Variants in PALLD observed in about 807,000 individuals in gnomAD.
PALLD encodes the protein palladin, cytoskeletal associated protein.
In PALLD, 61 loss-of-function variants were observed where a neutral mutation model predicts 123.5. The ratio of observed to expected loss-of-function variants is 0.49; its 90% confidence interval spans 0.40 to 0.61. The LOEUF is 0.61. Ranked by LOEUF, PALLD falls within the 20% of genes least tolerant of loss-of-function variation. The pLI, the probability that PALLD is intolerant of heterozygous loss-of-function variation, is 0.00. For missense variants in PALLD, 1,273 were observed against 1,377.0 expected, an observed-to-expected ratio of 0.92 and a Z score of 1.20; for synonymous variants, 465 against 496.4, an observed-to-expected ratio of 0.94 and a Z score of 0.84.
At chr4:168,875,229 T>C (rs1297687969) in intron 10 of PALLD, among the ~76,000 whole-genome samples, 1 of 152,040 alleles carries the variant, frequency 6.6e-6, no homozygotes, top group Non-Finnish European at 1.5e-5. Flanking sequence ...ACTAAAGAAG[T>C]AATGAATTTC....
chr4:168,793,082 T>A (rs1206355399), intron 10 of PALLD, among the ~76,000 whole-genome samples: 1 of 151,274 alleles, frequency 6.6e-6, no homozygotes, highest in Non-Finnish European at 1.5e-5. Context: ...AATACATGTA[T>A]GTAATTTACA....
chr4:168,686,296 T>C (rs1277856675), intron 6 of PALLD, among the ~76,000 whole-genome samples: 1 of 152,132 alleles, frequency 6.6e-6, no homozygotes, highest in Admixed American at 6.6e-5. Flanking sequence ...CCATGGTGGT[T>C]TGCTGCACCT....
chr4:168,899,500 A>G (rs931801845), intron 14 of PALLD, among the ~76,000 whole-genome samples: 1 of 152,234 alleles, frequency 6.6e-6, no homozygotes, highest in Admixed American at 6.5e-5. Flanking sequence ...TAAAATTCTT[A>G]GAAGCAAGCA....
At chr4:168,916,129 A>T in intron 17 of PALLD, 102 bp downstream of exon 17, 1 of 1,170,698 alleles carries the variant, frequency 8.5e-7, no homozygotes, top group Non-Finnish European at 1.3e-6. Flanking sequence ...GTATAAAATG[A>T]GAGCTGGGCA....
intron 10 of PALLD, among the ~76,000 whole-genome samples, chr4:168,760,904 C>T (rs1444686419): frequency 6.6e-6 from 1 of 152,160 alleles, no homozygotes; most frequent in Admixed American, 6.5e-5. Context: ...TTCTGCCCTT[C>T]TCAAGAAGTA....
chr4:168,662,461 C>A (rs1162725410), intron 2 of PALLD, among the ~76,000 whole-genome samples: 1 of 152,218 alleles, frequency 6.6e-6, no homozygotes, highest in African/African-American at 2.4e-5. Context: ...AACAGCTGTG[C>A]TGAGGATTCT....
At chr4:168,800,651 G>C (rs1017440076) in intron 10 of PALLD, among the ~76,000 whole-genome samples, 1 of 152,162 alleles carries the variant, frequency 6.6e-6, no homozygotes, top group Non-Finnish European at 1.5e-5. Context: ...TTCATATACT[G>C]CCAGTGGGAG....
intron 10 of PALLD, among the ~76,000 whole-genome samples, chr4:168,745,421 G>A (rs1730135577): frequency 1.2e-5 from 1 of 82,422 alleles, no homozygotes; most frequent in Non-Finnish European, 2.4e-5. Flanking sequence ...GAGTCTGTGA[G>A]ATGGGAGGGG....
intron 10 of PALLD, among the ~76,000 whole-genome samples, chr4:168,806,736 G>A (rs576239138): frequency 8.5e-5 from 13 of 152,198 alleles, no homozygotes; most frequent in Admixed American, 2.6e-4. Flanking sequence ...TGGGAGAAGC[G>A]GTCGTTTAGC....
At position 168,699,954 on chromosome 4, in the gene PALLD, A is replaced by C. The variant is rs142582395; in HGVS notation, c.1501+8662A>C. 5.1e-3 allele frequency: 856 copies of C among 168,356 alleles called. 5 individuals are homozygous for C. The highest frequency in any genetic ancestry group is 0.019 in the African/African-American group (816 of 42,000). The allele number at this position is 168,356 out of a possible 1,614,324, so 10.4% of individuals were successfully genotyped here. A position where few individuals can be genotyped will look rare whatever the true frequency, so the allele number is the denominator to read the frequency against. ...TTAGTACAGATAAGTAAGTCTCTAA[A>C]TCCCTTTATGTGACATAAGCAGTCA... On this transcript the variant is annotated intron_variant, in intron 8 of 21. Coordinates refer to ENST00000505667, the MANE Select transcript of PALLD (RefSeq NM_001166108.2).
At chr4:168,859,849 A>C (rs1401756469) in intron 10 of PALLD, among the ~76,000 whole-genome samples, 1 of 152,234 alleles carries the variant, frequency 6.6e-6, no homozygotes, top group African/African-American at 2.4e-5. Context: ...AAGGAAAAAG[A>C]AATTAATTTT....
chr4:168,583,776 T>C (rs1347413990), intron 2 of PALLD, among the ~76,000 whole-genome samples: 1 of 152,236 alleles, frequency 6.6e-6, no homozygotes, highest in Non-Finnish European at 1.5e-5. Context: ...TTTTACTCTA[T>C]ACTTCTGCTC....
intron 2 of PALLD, among the ~76,000 whole-genome samples, chr4:168,615,274 T>C (rs920965697): frequency 1.3e-5 from 2 of 152,158 alleles, no homozygotes; most frequent in African/African-American, 2.4e-5. Flanking sequence ...CCAAACAGCA[T>C]ATAAATAAAT....
intron 2 of PALLD, among the ~76,000 whole-genome samples, chr4:168,636,640 C>T (rs1776373104): frequency 6.6e-6 from 1 of 152,200 alleles, no homozygotes; most frequent in African/African-American, 2.4e-5. Context: ...GCCATTCCAG[C>T]TTAAAATTCT....
chr4:168,794,131 C>T (rs1561530790), intron 10 of PALLD, among the ~76,000 whole-genome samples: 1 of 152,130 alleles, frequency 6.6e-6, no homozygotes, highest in South Asian at 2.1e-4. Context: ...CCTCCAGCTG[C>T]CCTCTCAGTT....
chr4:168,692,093 T>TGG lies in PALLD; in HGVS notation c.1501+801_1501+802insGG, dbSNP rs200998516. On this transcript the variant is annotated intron_variant, in intron 8 of 21. Coordinates refer to ENST00000505667, the MANE Select transcript of PALLD (RefSeq NM_001166108.2). ...CAAGTCATTTTCCTGTTTCTCCTGT[T>TGG]TGTTCCTCTGCTTCAGTGTCAAGCA... is the stretch of plus-strand genomic sequence containing the variant. 8.5e-4 allele frequency among the ~76,000 whole-genome samples: 130 copies of TGG among 152,320 alleles called. 1 individual carries two copies. The East Asian group carries it at 0.024, about 28-fold the overall frequency.
chr4:168,533,873 A>G (rs932919853), intron 2 of PALLD, among the ~76,000 whole-genome samples: 1 of 152,206 alleles, frequency 6.6e-6, no homozygotes, highest in Non-Finnish European at 1.5e-5. Flanking sequence ...TTTTCTCCAA[A>G]AAGGAGAAGG....
intron 10 of PALLD, among the ~76,000 whole-genome samples, chr4:168,886,518 A>G (rs1753352473): frequency 6.6e-6 from 1 of 152,054 alleles, no homozygotes; most frequent in Non-Finnish European, 1.5e-5. Flanking sequence ...GTATGCACTT[A>G]TGGTCCCTGC....
intron 10 of PALLD, among the ~76,000 whole-genome samples, chr4:168,716,846 C>T (rs17054503): frequency 0.013 from 1,999 of 152,174 alleles, 38 homozygotes; most frequent in African/African-American, 0.039. Flanking sequence ...TGAGGTTTTC[C>T]ATATTTGGAA....
Sources: gnomAD v4.1 joint callset for allele counts (sites outside exome capture counted in the v4.1 genomes callset) on GRCh38, gnomAD v4.1.1 for gene constraint, MANE v1.5 for transcripts, NCBI Gene and HGNC (gene_info 2026-07-23, HGNC 2026-07-21) for gene names.